MAP3K13: variants seen among roughly 807,000 people sequenced by gnomAD.
MAP3K13 encodes the protein mitogen-activated protein kinase kinase kinase 13.
MAP3K13 carries 52 observed loss-of-function variants against 104.0 expected under a neutral mutation model. The observed-to-expected ratio is 0.50, with a 90% CI of 0.40 to 0.63. The LOEUF (loss-of-function observed/expected upper bound fraction) is 0.63. MAP3K13 is among the 20% of genes least tolerant of loss of function. The pLI, the probability that MAP3K13 is intolerant of heterozygous loss-of-function variation, is 0.00. For synonymous variants in MAP3K13, 394 were observed against 442.2 expected (o/e 0.89, Z 1.37); for missense variants, 914 against 1,218.5 (o/e 0.75, Z 3.72).
In MAP3K13 at chr3:185,483,333, G is replaced by T. The variant is rs1017835859; in HGVS notation, c.*877G>T. The T allele has an allele frequency of 1.3e-5, 3 of 231,742 alleles. No homozygotes were observed. Among genetic ancestry groups the T allele is most frequent in the African/African-American group, 6.6e-5 (3 of 45,372 alleles). 14.4% of individuals were successfully genotyped at this position (231,742 alleles called of 1,614,324 possible). On this transcript the variant is annotated 3_prime_UTR_variant, in exon 14 of 14. Transcript: ENST00000265026. ...GGCAAATGTGCTACCTTGACCCAAC[G>T]TGTTGATCTTTCATACTCAAGTGCC...
At chr3:185,356,497 G>T (rs1044981269) in intron 2 of MAP3K13, among the ~76,000 whole-genome samples, 3 of 152,156 alleles carry the variant, frequency 2.0e-5, no homozygotes, top group Admixed American at 6.5e-5. Flanking sequence ...GCCTTTTTCA[G>T]GAATCTGTCT....
chr3:185,455,713 T>TA lies in MAP3K13; in HGVS notation c.1278+4318_1278+4319insA, dbSNP rs1560120553. On this transcript the variant is annotated intron_variant, in intron 7 of 13. Coordinates refer to ENST00000265026, the MANE Select transcript of MAP3K13 (RefSeq NM_004721.5). ...ATATGATATATATATGAGATATATATGAGATATATATGATATATATATGAG... is the reference window on the plus strand; with the variant it reads ...ATATGATATATATATGAGATATATATAGAGATATATATGATATATATATGAG... Among the ~76,000 whole-genome samples the TA allele has an allele frequency of 7.0e-4, 9 of 12,884 alleles. 1 individual carries two copies. Among genetic ancestry groups the TA allele is most frequent in the Non-Finnish European group, 2.3e-4 (1 of 4,434 alleles). The allele number at this position is 12,884 out of a possible 152,430, so 8.5% of individuals were successfully genotyped here.
chr3:185,411,925 C>A (rs991098929), intron 1 of MAP3K13, among the ~76,000 whole-genome samples: 1 of 151,796 alleles, frequency 6.6e-6, no homozygotes, highest in African/African-American at 2.4e-5. Context: ...GCTGGGACTA[C>A]AGGTGTGTAC....
At chr3:185,466,724 C>A in intron 9 of MAP3K13, 102 bp from the exon 10 acceptor site, 2 of 1,365,070 alleles carry the variant, frequency 1.5e-6, no homozygotes, top group Non-Finnish European at 2.1e-6. Context: ...ATTCAAATAG[C>A]TAAATGTGGC....
intron 2 of MAP3K13, among the ~76,000 whole-genome samples, chr3:185,319,132 A>G (rs1296882233): frequency 6.6e-6 from 1 of 152,186 alleles, no homozygotes; most frequent in Non-Finnish European, 1.5e-5. Flanking sequence ...TTTTTAAAAA[A>G]AAATCTACAT....
intron 1 of MAP3K13, among the ~76,000 whole-genome samples, chr3:185,382,431 AAGAGACAAGAAACAGG>A (rs1249252000): frequency 6.6e-6 from 1 of 152,220 alleles, no homozygotes; most frequent in Admixed American, 6.5e-5. Flanking sequence ...ATGTAGTGAT[AAGAGACAAGAAACAGG>A]AGAAAAATTG....
intron 1 of MAP3K13, among the ~76,000 whole-genome samples, chr3:185,396,141 C>G (rs1231038800): frequency 6.6e-6 from 1 of 151,894 alleles, no homozygotes; most frequent in East Asian, 2.0e-4. Context: ...GAGGCTGAGG[C>G]GGGTAGATCA....
chr3:185,410,284 G>A (rs945100538), intron 1 of MAP3K13, among the ~76,000 whole-genome samples: 1 of 152,140 alleles, frequency 6.6e-6, no homozygotes, highest in Non-Finnish European at 1.5e-5. Flanking sequence ...TCATTCATAC[G>A]CAGAAGCTAA....
chr3:185,378,526 G>A (rs1724547618), intron 1 of MAP3K13, among the ~76,000 whole-genome samples: 1 of 152,280 alleles, frequency 6.6e-6, no homozygotes, highest in Non-Finnish European at 1.5e-5. Context: ...GGTGTGAGGA[G>A]GGGAGGTGAT....
intron 2 of MAP3K13, among the ~76,000 whole-genome samples, chr3:185,336,825 G>A (rs903713394): frequency 4.0e-5 from 6 of 151,802 alleles, no homozygotes; most frequent in East Asian, 1.9e-4. Context: ...TACAAAAAAA[G>A]TATGAATATA....
At chr3:185,308,125 G>A (rs115668094) in intron 2 of MAP3K13, among the ~76,000 whole-genome samples, 229 of 146,076 alleles carry the variant, frequency 1.6e-3, no homozygotes, top group African/African-American at 5.7e-3. Context: ...AAACAGCCAC[G>A]CTCCCAGTCT....
rs532446888 is a variant in MAP3K13 at position 185,393,639 on chromosome 3, T to C, written c.-86+30271T>C. Among the ~76,000 whole-genome samples the C allele has an allele frequency of 4.5e-4, 69 of 152,132 alleles. 1 individual carries two copies. Among genetic ancestry groups the C allele is most frequent in the Middle Eastern group, 6.8e-3 (2 of 294 alleles). ...GCACCCGGCTAATTTTTTGTATTTT[T>C]AGTAGAGTTGGGGTTTCACCGTGTT... On this transcript the variant is annotated intron_variant, in intron 1 of 13. Coordinates refer to ENST00000265026, the MANE Select transcript of MAP3K13 (RefSeq NM_004721.5).
chr3:185,468,281 G>T (rs1046827538), intron 10 of MAP3K13, among the ~76,000 whole-genome samples: 1 of 152,164 alleles, frequency 6.6e-6, no homozygotes, highest in South Asian at 2.1e-4. Flanking sequence ...CCTAGCATGG[G>T]AGTTTTGTGA....
intron 1 of MAP3K13, among the ~76,000 whole-genome samples, chr3:185,415,728 C>T (rs1713729631): frequency 6.6e-6 from 1 of 151,942 alleles, no homozygotes; most frequent in South Asian, 2.1e-4. Context: ...GGATTACAGG[C>T]ATGTGCCACC....
chr3:185,299,919 G>A (rs144067816), intron 2 of MAP3K13, among the ~76,000 whole-genome samples: 1 of 151,966 alleles, frequency 6.6e-6, no homozygotes, highest in Non-Finnish European at 1.5e-5. Context: ...TAGTGTTAAC[G>A]GTATATATAT....
chr3:185,366,918 A>T (rs565317209), intron 1 of MAP3K13, among the ~76,000 whole-genome samples: 105 of 152,326 alleles, frequency 6.9e-4, no homozygotes, highest in African/African-American at 2.5e-3. Context: ...TTTATGGTAT[A>T]AAAATTTTTA....
intron 2 of MAP3K13, chr3:185,291,532 C>T: frequency 7.9e-7 from 1 of 1,264,176 alleles, no homozygotes; most frequent in South Asian, 1.6e-5. Flanking sequence ...TAATTACTGA[C>T]CCAAAAGTAG....
chr3:185,425,423 T>G (rs1714356863), intron 1 of MAP3K13, among the ~76,000 whole-genome samples: 1 of 152,216 alleles, frequency 6.6e-6, no homozygotes, highest in Admixed American at 6.5e-5. Flanking sequence ...TCTAATCAAT[T>G]ACTAGATCTT....
At chr3:185,301,758 C>T (rs1269460456) in intron 2 of MAP3K13, among the ~76,000 whole-genome samples, 1 of 152,148 alleles carries the variant, frequency 6.6e-6, no homozygotes, top group Non-Finnish European at 1.5e-5. Flanking sequence ...GACCTCAGCA[C>T]CCTTGTCAAA....
Sources: gnomAD v4.1 joint callset for allele counts (sites outside exome capture counted in the v4.1 genomes callset) on GRCh38, gnomAD v4.1.1 for gene constraint, MANE v1.5 for transcripts, NCBI Gene and HGNC (gene_info 2026-07-23, HGNC 2026-07-21) for gene names.